The following SBNO1 variants were observed in gnomAD, a reference collection of about 807,000 sequenced individuals.
The protein encoded by SBNO1 is strawberry notch homolog 1.
In SBNO1, 23 loss-of-function variants were observed where a neutral mutation model predicts 173.6. That is an observed-to-expected ratio of 0.13 (90% CI 0.10 to 0.19). The LOEUF is 0.19. Among genes scored for constraint, SBNO1 ranks in the 10% least tolerant of loss-of-function variants. The pLI is 1.00. For missense variants in SBNO1, 1,238 were observed against 1,671.2 expected, an observed-to-expected ratio of 0.74 and a Z score of 4.52; for synonymous variants, 632 against 571.5, an observed-to-expected ratio of 1.11 and a Z score of -1.51.
At chr12:123,351,913 AAAAT>A (rs1228759405) in intron 1 of SBNO1, among the ~76,000 whole-genome samples, 1 of 152,176 alleles carries the variant, frequency 6.6e-6, no homozygotes, top group Non-Finnish European at 1.5e-5. Flanking sequence ...AGGCCAAGAG[AAAAT>A]AAAAAATAAA....
chr12:123,296,655 G>A (rs1485881675), intron 31 of SBNO1, among the ~76,000 whole-genome samples: 1 of 151,862 alleles, frequency 6.6e-6, no homozygotes, highest in Non-Finnish European at 1.5e-5. Flanking sequence ...CCGCCTCCCG[G>A]GTTGAAGTGA....
chr12:123,361,775 C>CAATG (rs1397784763), intron 1 of SBNO1, among the ~76,000 whole-genome samples: 107 of 150,104 alleles, frequency 7.1e-4, no homozygotes, highest in African/African-American at 2.3e-3. Flanking sequence ...TAACCGCATT[C>CAATG]AATGAATGAA....
chr12:123,297,981 C>T lies in SBNO1; in HGVS notation c.4036G>A (p.Val1346Ile), dbSNP rs2048664222. 4 of 1,612,894 alleles carry T rather than the reference C, an allele frequency of 2.5e-6. No individual in the cohort carries two copies. Among genetic ancestry groups the T allele is most frequent in the Non-Finnish European group, 3.4e-6 (4 of 1,179,746 alleles). Residue 1346 changes from valine (V) to isoleucine (I), a missense_variant, in exon 31 of 32, where the codon GTA (valine) becomes ATA (isoleucine). This residue lies in a region of SBNO1 where 351 missense variants were observed against 420.3 expected (regional missense o/e 0.84). Transcript: ENST00000602398. ...CCAAAACAAAAATTAGACTCACCTA[C>T]AATCCGTTGCCCATCTTCCGTTCTT... is the stretch of plus-strand genomic sequence containing the variant. ...RLRTEDGQRI[V>I]GLIIPANCVS...
intron 28 of SBNO1, among the ~76,000 whole-genome samples, chr12:123,305,112 C>T (rs2048882048): frequency 6.6e-6 from 1 of 152,202 alleles, no homozygotes; most frequent in African/African-American, 2.4e-5. Flanking sequence ...AGGCAGTAGG[C>T]ATTAGGGGTC....
chr12:123,338,410 C>A (rs1035350581), intron 5 of SBNO1, among the ~76,000 whole-genome samples: 26 of 151,494 alleles, frequency 1.7e-4, no homozygotes, highest in African/African-American at 6.1e-4. Context: ...AGGCCAGGCA[C>A]AGTGGCTCAC....
chr12:123,296,064 C>T lies in SBNO1; in HGVS notation c.4040-14G>A, dbSNP rs757978758. On this transcript the variant is annotated splice_polypyrimidine_tract_variant and intron_variant, in intron 31 of 31. Transcript: ENST00000602398. ...GAATGATCAAACCTGTAATTAGTAA[C>T]AAGAATTTATCAAGTTGTGTCCAGA... 6.4e-7 allele frequency: 1 copy of T among 1,574,746 alleles called. No homozygotes were observed. The highest frequency in any genetic ancestry group is 8.7e-7 in the Non-Finnish European group (1 of 1,145,492).
intron 1 of SBNO1, among the ~76,000 whole-genome samples, chr12:123,357,377 G>A (rs1237489428): frequency 6.6e-6 from 1 of 151,448 alleles, no homozygotes. Flanking sequence ...GGAACCCAGG[G>A]GGTGAAGGTT....
chr12:123,315,522 C>T (rs776971095), intron 22 of SBNO1, 26 bp downstream of exon 22: 1 of 1,576,802 alleles, frequency 6.3e-7, no homozygotes, highest in Non-Finnish European at 8.7e-7. Flanking sequence ...ATCATTTACA[C>T]ACAGCCACAC....
intron 5 of SBNO1, among the ~76,000 whole-genome samples, chr12:123,340,581 C>CA (rs752794679): frequency 0.36 from 16,637 of 46,196 alleles, 3,315 homozygotes; most frequent in African/African-American, 0.54. Flanking sequence ...GACTCTGTCT[C>CA]AAAAAAAAAA....
Position 123,327,510 on chromosome 12 carries a change from C to G in SBNO1, c.1608G>C (p.Leu536=). The G allele has an allele frequency of 6.2e-7, 1 of 1,613,866 alleles. No individual in the cohort carries two copies. Among genetic ancestry groups the G allele is most frequent in the Admixed American group, 1.7e-5 (1 of 60,012 alleles). The change falls in exon 13 of 32, where the codon CTG becomes CTC. Residue 536 remains leucine, a synonymous_variant. Transcript: ENST00000602398. ...TTTTGAAGGTCACTCCAGTAAAGCTCAGTTGTCGAGCAATGTACATTCCTC... is the reference window on the plus strand; with the variant it reads ...TTTTGAAGGTCACTCCAGTAAAGCTGAGTTGTCGAGCAATGTACATTCCTC... ...KLRGMYIARQ[L]SFTGVTFKIE...
intron 1 of SBNO1, among the ~76,000 whole-genome samples, chr12:123,356,912 AT>A (rs1234092518): frequency 2.0e-5 from 3 of 152,124 alleles, no homozygotes; most frequent in African/African-American, 7.2e-5. Flanking sequence ...AACAAAAAGG[AT>A]TTTTTTCTCC....
In SBNO1 at chr12:123,304,526, T is replaced by C. The variant is rs756571959; in HGVS notation, c.3768+56A>G. On this transcript the variant is annotated intron_variant, in intron 29 of 31. Coordinates refer to ENST00000602398, the MANE Select transcript of SBNO1 (RefSeq NM_001167856.3). ...GCTGAGATTACAGGTGTGAGCCACATTGCCTGGCCCAAAGTAAGTATTCCT... is the reference window on the plus strand; with the variant it reads ...GCTGAGATTACAGGTGTGAGCCACACTGCCTGGCCCAAAGTAAGTATTCCT... 111 of 1,342,746 alleles carry C rather than the reference T, an allele frequency of 8.3e-5. No individual in the cohort carries two copies. The South Asian group carries it at 9.2e-4, about 11-fold the overall frequency. 83.2% of individuals were successfully genotyped at this position (1,342,746 alleles called of 1,614,324 possible). A position where few individuals can be genotyped will look rare whatever the true frequency, so the allele number is the denominator to read the frequency against.
At chr12:123,362,768 C>CAAAAA (rs10587512) in intron 1 of SBNO1, among the ~76,000 whole-genome samples, 1 of 76,504 alleles carries the variant, frequency 1.3e-5, no homozygotes, top group African/African-American at 5.8e-5. Flanking sequence ...GACTCCGCCT[C>CAAAAA]AAAAAAAAAA....
intron 1 of SBNO1, among the ~76,000 whole-genome samples, chr12:123,362,084 G>C (rs1293805783): frequency 6.6e-6 from 1 of 151,016 alleles, no homozygotes; most frequent in East Asian, 2.0e-4. Flanking sequence ...GGAATGCAGT[G>C]AGCCAAGGTT....
Position 123,320,809 on chromosome 12 carries a change from C to T in SBNO1, c.2381G>A (p.Ser794Asn). 2 of 1,599,812 alleles carry T rather than the reference C, an allele frequency of 1.3e-6. No individual in the cohort carries two copies. The highest frequency in any genetic ancestry group is 3.5e-5 in the Admixed American group (2 of 57,010). Residue 794 changes from serine to asparagine, a missense_variant, in exon 18 of 32, where the codon AGT becomes AAT. Physicochemically the swap from Ser to Asn is conservative, Grantham distance 46. Transcript: ENST00000602398. ...KKNKEKKKKK[S>N]IDPDSIQSAL... ...ACTTTGAATAGAATCTGGATCTATA[C>T]TTTTCTTCTTTTTTTTCTCTTTGTT...
intron 5 of SBNO1, among the ~76,000 whole-genome samples, chr12:123,338,417 T>C (rs1351499028): frequency 6.6e-6 from 1 of 151,784 alleles, no homozygotes; most frequent in Non-Finnish European, 1.5e-5. Flanking sequence ...GCACAGTGGC[T>C]CACGCCTGAA....
intron 7 of SBNO1, among the ~76,000 whole-genome samples, chr12:123,331,846 G>A (rs117129022): frequency 7.1e-4 from 108 of 151,064 alleles, no homozygotes; most frequent in Non-Finnish European, 1.4e-3. Context: ...GCTTTAATGT[G>A]GATACTTTCT....
chr12:123,313,585 T>C, intron 24 of SBNO1, 35 bp downstream of exon 24: 1 of 1,095,804 alleles, frequency 9.1e-7, no homozygotes, highest in Non-Finnish European at 1.4e-6. Context: ...TTGTCAATAA[T>C]CATTGTCATT....
In SBNO1 at chr12:123,320,611, G is replaced by A; in HGVS notation, c.2492-4C>T. ...TTACTGTTGGTGTTACTGTTAGCTA[G>A]ATAAAGAACATTTGCTAAAAGTTAG... On this transcript the variant is annotated splice_region_variant and splice_polypyrimidine_tract_variant and intron_variant, in intron 18 of 31. Coordinates refer to ENST00000602398, the MANE Select transcript of SBNO1 (RefSeq NM_001167856.3). The A allele has an allele frequency of 6.2e-7, 1 of 1,604,988 alleles. No individual in the cohort carries two copies.
Sources: allele counts gnomAD v4.1 joint callset (sites outside exome capture counted in the v4.1 genomes callset), GRCh38; gene constraint gnomAD v4.1.1; regional missense constraint gnomAD v4.1.1; transcripts MANE v1.5; gene names NCBI Gene and HGNC (gene_info 2026-07-23, HGNC 2026-07-21).